WDR27: variants seen among roughly 807,000 people sequenced by gnomAD.
WDR27 encodes WD repeat domain 27, also known as WD repeat-containing protein 27.
In WDR27, 100 loss-of-function variants were observed where a neutral mutation model predicts 114.4. The observed-to-expected ratio is 0.87, with a 90% CI of 0.74 to 1.03. The LOEUF is 1.03. Ranked by LOEUF, WDR27 falls within the 50% of genes least tolerant of loss-of-function variation. The pLI, the probability that WDR27 is intolerant of heterozygous loss-of-function variation, is 0.00. For synonymous variants in WDR27, 449 were observed against 423.1 expected (o/e 1.06, Z -0.75); for missense variants, 1,129 against 1,092.9 (o/e 1.03, Z -0.47).
intron 17 of WDR27, among the ~76,000 whole-genome samples, chr6:169,643,294 T>TA (rs201317889): frequency 0.038 from 5,771 of 151,814 alleles, 392 homozygotes; most frequent in African/African-American, 0.13. Flanking sequence ...CTACTTTTTT[T>TA]AAAAAAAAAT....
chr6:169,697,671 C>A (rs959176268), intron 1 of WDR27, among the ~76,000 whole-genome samples: 1 of 152,192 alleles, frequency 6.6e-6, no homozygotes, highest in African/African-American at 2.4e-5. Context: ...GCAGAAATAA[C>A]GGTGTAAGTT....
Position 169,638,203 on chromosome 6 carries a change from C to G in WDR27, c.1869+336G>C, listed in dbSNP as rs548746410. ...CGGTGGCGGGCGCCTGTAGTCCCAG[C>G]TACTCGGGAGGCTGAGGCAGGAGAA... On this transcript the variant is annotated intron_variant, in intron 18 of 25. Coordinates refer to ENST00000448612, the MANE Select transcript of WDR27 (RefSeq NM_182552.5). Among the ~76,000 whole-genome samples the G allele has an allele frequency of 9.0e-4, 109 of 121,096 alleles. 10 individuals carry two copies. The South Asian group carries it at 0.029, about 32-fold the overall frequency. The allele number at this position is 121,096 out of a possible 152,430, so 79.4% of individuals were successfully genotyped here.
At chr6:169,591,336 C>T (rs1201154156) in intron 23 of WDR27, among the ~76,000 whole-genome samples, 2 of 152,180 alleles carry the variant, frequency 1.3e-5, no homozygotes, top group Non-Finnish European at 2.9e-5. Context: ...CTACTGATGA[C>T]ATTTGCCTAA....
intron 25 of WDR27, among the ~76,000 whole-genome samples, chr6:169,473,572 A>G (rs566569475): frequency 6.6e-5 from 10 of 152,080 alleles, no homozygotes; most frequent in Non-Finnish European, 1.5e-4. Context: ...TGAATGACTA[A>G]CTCAATGGCA....
In WDR27 at chr6:169,555,926, G is replaced by A. The variant is rs185490304; in HGVS notation, c.2645+16493C>T. 3.3e-3 allele frequency among the ~76,000 whole-genome samples: 506 copies of A among 152,198 alleles called. 2 individuals are homozygous for A. Among genetic ancestry groups the A allele is most frequent in the African/African-American group, 0.011 (474 of 41,540 alleles). On this transcript the variant is annotated intron_variant, in intron 25 of 25. Coordinates refer to ENST00000448612, the MANE Select transcript of WDR27 (RefSeq NM_182552.5). ...CTGGAGCAAACCGATACTCATATAGGGAAAAATGACTCTTTACCTTACCTT... is the reference window on the plus strand; with the variant it reads ...CTGGAGCAAACCGATACTCATATAGAGAAAAATGACTCTTTACCTTACCTT...
intron 25 of WDR27, among the ~76,000 whole-genome samples, chr6:169,569,300 T>C (rs2128125146): frequency 6.6e-6 from 1 of 152,360 alleles, no homozygotes; most frequent in South Asian, 2.1e-4. Flanking sequence ...TTTAATATTT[T>C]TTATTACATT....
intron 23 of WDR27, among the ~76,000 whole-genome samples, chr6:169,593,468 C>T (rs111884656): frequency 9.9e-5 from 15 of 152,276 alleles, no homozygotes; most frequent in Non-Finnish European, 1.6e-4. Flanking sequence ...TCTGCCTCCT[C>T]CTCATTTCTT....
At chr6:169,505,075 T>C (rs1359774443) in intron 25 of WDR27, among the ~76,000 whole-genome samples, 1 of 152,222 alleles carries the variant, frequency 6.6e-6, no homozygotes, top group Admixed American at 6.5e-5. Context: ...ATTATATCTG[T>C]GAATTAATAA....
intron 24 of WDR27, among the ~76,000 whole-genome samples, chr6:169,581,127 A>G (rs1003584748): frequency 9.2e-5 from 14 of 152,008 alleles, no homozygotes; most frequent in African/African-American, 3.4e-4. Flanking sequence ...TTGTATAACT[A>G]TATTTACGCC....
At chr6:169,516,890 A>T (rs911077704) in intron 25 of WDR27, among the ~76,000 whole-genome samples, 20 of 151,780 alleles carry the variant, frequency 1.3e-4, no homozygotes, top group African/African-American at 4.6e-4. Context: ...TTAGGAAAAC[A>T]TCTGTCCTGA....
chr6:169,525,945 G>A (rs2128071871), intron 25 of WDR27, among the ~76,000 whole-genome samples: 1 of 152,296 alleles, frequency 6.6e-6, no homozygotes, highest in South Asian at 2.1e-4. Flanking sequence ...AACATAGATG[G>A]AACTGGAAGT....
chr6:169,499,304 C>T (rs758068277), intron 25 of WDR27, among the ~76,000 whole-genome samples: 5 of 152,238 alleles, frequency 3.3e-5, no homozygotes, highest in African/African-American at 4.8e-5. Context: ...GTTCCCAATG[C>T]ACACTGCAGG....
the WDR27 span, among the ~76,000 whole-genome samples, chr6:169,438,048 C>T: frequency 6.6e-6 from 1 of 152,044 alleles, no homozygotes; most frequent in Non-Finnish European, 1.5e-5. Flanking sequence ...AACCCATGCC[C>T]TCCTTCTTCA....
intron 13 of WDR27, among the ~76,000 whole-genome samples, chr6:169,652,271 C>A (rs571689944): frequency 6.6e-6 from 1 of 152,142 alleles, no homozygotes; most frequent in East Asian, 1.9e-4. Flanking sequence ...GTTGTTGAGA[C>A]GGAGTCTCGC....
chr6:169,462,851 G>C (rs1785085989), intron 25 of WDR27, among the ~76,000 whole-genome samples: 1 of 152,084 alleles, frequency 6.6e-6, no homozygotes, highest in Non-Finnish European at 1.5e-5. Flanking sequence ...TAAAATTAAT[G>C]ATACAAAACC....
At chr6:169,607,621 C>T (rs1809524850) in intron 22 of WDR27, among the ~76,000 whole-genome samples, 1 of 151,860 alleles carries the variant, frequency 6.6e-6, no homozygotes, top group Non-Finnish European at 1.5e-5. Context: ...ACTGGAGACT[C>T]AGAAGGGTAG....
At chr6:169,461,658 C>CAA (rs1253660860) in intron 25 of WDR27, among the ~76,000 whole-genome samples, 1 of 146,462 alleles carries the variant, frequency 6.8e-6, no homozygotes, top group Non-Finnish European at 1.5e-5. Flanking sequence ...AAAAAAAAAA[C>CAA]AAAACAAGAA....
At chr6:169,437,588 T>C in the WDR27 span, among the ~76,000 whole-genome samples, 172 of 152,322 alleles carry the variant, frequency 1.1e-3, no homozygotes, top group Middle Eastern at 0.02. Flanking sequence ...GGCTAGGCTT[T>C]ATATGCAACC....
chr6:169,688,513 C>A (rs186940648), intron 2 of WDR27, among the ~76,000 whole-genome samples: 83 of 151,846 alleles, frequency 5.5e-4, no homozygotes, highest in African/African-American at 2.0e-3. Flanking sequence ...AAGTGAGAAA[C>A]GTCAATCTAA....
Sources: gnomAD v4.1 joint callset for allele counts (sites outside exome capture counted in the v4.1 genomes callset) on GRCh38, gnomAD v4.1.1 for gene constraint, MANE v1.5 for transcripts, NCBI Gene and HGNC (gene_info 2026-07-23, HGNC 2026-07-21) for gene names.